TTC39A: variants seen among roughly 807,000 people sequenced by gnomAD.
TTC39A encodes tetratricopeptide repeat protein 39A.
In TTC39A, 46 loss-of-function variants were observed where a neutral mutation model predicts 82.3. The observed-to-expected ratio is 0.56, with a 90% CI of 0.44 to 0.71. TTC39A has a LOEUF of 0.71. TTC39A is among the 30% of genes least tolerant of loss of function. The pLI is 0.00. For synonymous variants in TTC39A, 254 were observed against 275.2 expected, an observed-to-expected ratio of 0.92 and a Z score of 0.76; for missense variants, 543 against 712.9, an observed-to-expected ratio of 0.76 and a Z score of 2.71.
intron 3 of TTC39A, 69 bp from the exon 4 acceptor site, chr1:51,312,264 G>T: frequency 7.1e-7 from 1 of 1,403,456 alleles, no homozygotes; most frequent in Non-Finnish European, 9.9e-7. Context: ...GCCCCTCTCT[G>T]CTACACCCTA....
rs116178638 is a variant in TTC39A, at chr1:51,318,427, C to T, written c.146+3294G>A. On this transcript the variant is annotated intron_variant, in intron 2 of 17. Transcript: ENST00000680483. ...GCAGGCCCTGACCCACCCAGCCTGA[C>T]CCCCTCAAGCCAGGTCCCCTCAGAC... 4.8e-3 allele frequency among the ~76,000 whole-genome samples: 731 copies of T among 152,276 alleles called. 3 individuals are homozygous for T. The highest frequency in any genetic ancestry group is 6.4e-3 in the Non-Finnish European group (435 of 68,022).
intron 12 of TTC39A, chr1:51,299,252 C>T (rs1327677009): frequency 6.6e-6 from 1 of 152,258 alleles, no homozygotes; most frequent in Non-Finnish European, 1.5e-5. Context: ...TTTGTCATTA[C>T]ATCTGTACTA....
At chr1:51,336,339 G>A (rs1645973914), upstream of TTC39A, among the ~76,000 whole-genome samples, 1 of 152,118 alleles carries the variant, frequency 6.6e-6, no homozygotes, top group Non-Finnish European at 1.5e-5. Flanking sequence ...CCTTTGGCAA[G>A]TCACTGCCCC....
intron 8 of TTC39A, 142 bp downstream of exon 8, chr1:51,304,939 G>A (rs749961236): frequency 7.6e-6 from 6 of 794,206 alleles, no homozygotes; most frequent in African/African-American, 1.7e-5. Flanking sequence ...AGGGAGGTCT[G>A]GGCATTGTCC....
At position 51,322,990 on chromosome 1, in the gene TTC39A, C is replaced by A. The variant is rs185168936; in HGVS notation, c.42-1165G>T. 1.5e-3 allele frequency among the ~76,000 whole-genome samples: 234 copies of A among 152,326 alleles called. 2 individuals are homozygous for A. The highest frequency in any genetic ancestry group is 0.01 in the Middle Eastern group (3 of 294). On this transcript the variant is annotated intron_variant, in intron 1 of 17. Coordinates refer to ENST00000680483, the MANE Select transcript of TTC39A (RefSeq NM_001297663.2). ...TTCATTCTCCCAATCTGTTCTCCCC[C>A]AGTCTTTGCCTTTCTTTTTTTTGGT...
intron 2 of TTC39A, among the ~76,000 whole-genome samples, chr1:51,317,369 G>A (rs1380081522): frequency 6.6e-6 from 1 of 152,216 alleles, no homozygotes; most frequent in Non-Finnish European, 1.5e-5. Flanking sequence ...GAGGACATGT[G>A]GCAATTTCTG....
At chr1:51,312,686 C>T (rs1645128918) in intron 3 of TTC39A, 126 bp downstream of exon 3, 4 of 1,389,048 alleles carry the variant, frequency 2.9e-6, no homozygotes, top group Non-Finnish European at 3.9e-6. Context: ...GCTCTTAGCA[C>T]ATGCAGACAC....
chr1:51,329,191 C>T (rs138387784), intron 1 of TTC39A, among the ~76,000 whole-genome samples: 7 of 152,266 alleles, frequency 4.6e-5, no homozygotes, highest in South Asian at 4.1e-4. Context: ...GGAGTCTAGA[C>T]TTCTTTGATA....
Position 51,314,239 on chromosome 1 carries a change from CCT to C in TTC39A, c.147-1298_147-1297del, listed in dbSNP as rs530589099. On this transcript the variant is annotated intron_variant, in intron 2 of 17. Transcript: ENST00000680483. ...GGGAGGGACGGGAACAATGCCAGGT[CCT>C]CTCTGTATGTGGAGGGAGTCACTTA... is the stretch of plus-strand genomic sequence containing the variant. 5.8e-3 allele frequency among the ~76,000 whole-genome samples: 882 copies of C among 152,310 alleles called. 4 individuals carry two copies. The highest frequency in any genetic ancestry group is 0.02 in the African/African-American group (840 of 41,558).
At chr1:51,299,097 G>A (rs546428220) in intron 12 of TTC39A, 18 of 152,370 alleles carry the variant, frequency 1.2e-4, no homozygotes, top group African/African-American at 3.6e-4. Flanking sequence ...TTCTCTCAGA[G>A]TAGATAACAA....
In TTC39A at chr1:51,294,577, C is replaced by T; in HGVS notation, c.1146-66G>A. ...GCAGGAGAGGGCAGAGGGTCCCCAGCCTACCCAGCTATGCTTGGCGCCTCT... is the reference window on the plus strand; with the variant it reads ...GCAGGAGAGGGCAGAGGGTCCCCAGTCTACCCAGCTATGCTTGGCGCCTCT... On this transcript the variant is annotated intron_variant, in intron 13 of 17. Transcript: ENST00000680483. This position sits in a 1 kb window ranked among gnomAD's most constrained non-coding sequence, Gnocchi z 4.3. 6.2e-7 allele frequency: 1 copy of T among 1,603,280 alleles called. No homozygotes were observed. Among genetic ancestry groups the T allele is most frequent in the Non-Finnish European group, 8.5e-7 (1 of 1,175,270 alleles).
At chr1:51,344,985 CGG>C in intron 1 of TTC39A, 1 of 1,524,992 alleles carries the variant, frequency 6.6e-7, no homozygotes, top group Non-Finnish European at 8.8e-7. Flanking sequence ...CACCCCTGCC[CGG>C]TACCTGCGGT....
At chr1:51,303,869 C>T (rs529596792) in intron 8 of TTC39A, among the ~76,000 whole-genome samples, 1 of 152,356 alleles carries the variant, frequency 6.6e-6, no homozygotes. Context: ...ATCCTGAAAT[C>T]CTACTCATGA....
Position 51,317,567 on chromosome 1 carries a change from C to T in TTC39A, c.146+4154G>A, listed in dbSNP as rs146197322. Among the ~76,000 whole-genome samples, 601 of 152,264 alleles carry T rather than the reference C, an allele frequency of 3.9e-3. 3 individuals carry two copies. Among genetic ancestry groups the T allele is most frequent in the African/African-American group, 0.013 (546 of 41,548 alleles). On this transcript the variant is annotated intron_variant, in intron 2 of 17. Coordinates refer to ENST00000680483, the MANE Select transcript of TTC39A (RefSeq NM_001297663.2). ...AGTTGGAGGCCAGCCTGGCCAAAATCGTGAAACCCTGTCTCTACTAAAAAT... is the reference window on the plus strand; with the variant it reads ...AGTTGGAGGCCAGCCTGGCCAAAATTGTGAAACCCTGTCTCTACTAAAAAT...
chr1:51,303,288 G>A (rs144849732), intron 8 of TTC39A, 96 bp from the exon 9 acceptor site: 13 of 1,083,672 alleles, frequency 1.2e-5, no homozygotes, highest in South Asian at 3.1e-5. Context: ...GCACAGGGGC[G>A]GAAGAGCACT....
At chr1:51,313,060 C>A (rs1360131220) in intron 2 of TTC39A, 117 bp from the exon 3 acceptor site, 1 of 1,407,514 alleles carries the variant, frequency 7.1e-7, no homozygotes, top group East Asian at 2.3e-5. Context: ...GACCAGAGGT[C>A]CAGGCACGGG....
chr1:51,305,706 G>A, intron 7 of TTC39A: 1 of 516,100 alleles, frequency 1.9e-6, no homozygotes, highest in Non-Finnish European at 3.5e-6. Flanking sequence ...GTCGGGTGCT[G>A]TGAAGGTTCC....
intron 1 of TTC39A, among the ~76,000 whole-genome samples, chr1:51,337,923 G>A (rs1338658121): frequency 6.6e-6 from 1 of 152,132 alleles, no homozygotes. Context: ...CGCCCAGGCT[G>A]GTCTTGAACT....
intron 1 of TTC39A, chr1:51,322,172 T>C (rs1557737688): frequency 1.9e-6 from 3 of 1,545,972 alleles, no homozygotes; most frequent in East Asian, 2.4e-5. Flanking sequence ...TGGGCTCTGC[T>C]GCCCCCCCAG....
Sources: allele counts gnomAD v4.1 joint callset (sites outside exome capture counted in the v4.1 genomes callset), GRCh38; gene constraint gnomAD v4.1.1; non-coding constraint Gnocchi (gnomAD v3.1); transcripts MANE v1.5; gene names NCBI Gene and HGNC (gene_info 2026-07-23, HGNC 2026-07-21).